SUCLG2: variants seen among roughly 807,000 people sequenced by gnomAD.
SUCLG2 encodes succinate--CoA ligase [GDP-forming] subunit beta, mitochondrial.
SUCLG2 carries 42 observed loss-of-function variants against 47.9 expected under a neutral mutation model. The ratio of observed to expected loss-of-function variants is 0.88; its 90% CI spans 0.69 to 1.14. The LOEUF is 1.14. Ranked by LOEUF, SUCLG2 falls within the 50% of genes most tolerant of loss-of-function variation. The pLI is 0.00. For synonymous variants in SUCLG2, 195 were observed against 197.3 expected, an observed-to-expected ratio of 0.99 and a Z score of 0.10; for missense variants, 571 against 525.9, an observed-to-expected ratio of 1.09 and a Z score of -0.84.
At chr3:67,602,587 G>A (rs1708443481) in intron 2 of SUCLG2, among the ~76,000 whole-genome samples, 1 of 152,058 alleles carries the variant, frequency 6.6e-6, no homozygotes, top group Admixed American at 6.5e-5. Context: ...TTTATAAAAG[G>A]GGGATCTCTT....
intron 2 of SUCLG2, among the ~76,000 whole-genome samples, chr3:67,538,377 G>A (rs1162747327): frequency 6.6e-6 from 1 of 152,172 alleles, no homozygotes; most frequent in Non-Finnish European, 1.5e-5. Flanking sequence ...TCAGATGGTT[G>A]TAGATGTGTG....
chr3:67,419,064 C>T (rs1703097357), intron 9 of SUCLG2, among the ~76,000 whole-genome samples: 1 of 152,082 alleles, frequency 6.6e-6, no homozygotes, highest in Non-Finnish European at 1.5e-5. Context: ...AGGTTGCTTG[C>T]TTCCTGATAT....
chr3:67,499,419 A>C (rs183341030), intron 7 of SUCLG2, among the ~76,000 whole-genome samples: 4 of 152,282 alleles, frequency 2.6e-5, no homozygotes, highest in African/African-American at 9.6e-5. Flanking sequence ...AAGTTATAAG[A>C]CACGAAAAGA....
intron 6 of SUCLG2, among the ~76,000 whole-genome samples, chr3:67,515,916 T>C (rs773747777): frequency 4.6e-5 from 7 of 152,138 alleles, no homozygotes; most frequent in Non-Finnish European, 7.4e-5. Flanking sequence ...ACTTCCAACA[T>C]GTCTACAGCT....
At chr3:67,630,831 G>C (rs1700912253) in intron 1 of SUCLG2, among the ~76,000 whole-genome samples, 1 of 152,182 alleles carries the variant, frequency 6.6e-6, no homozygotes, top group African/African-American at 2.4e-5. Context: ...TTAATCAACT[G>C]TCCTGAACTA....
Position 67,645,036 on chromosome 3 carries a change from C to T in SUCLG2, c.84+9467G>A, listed in dbSNP as rs565498212. ...ACAACACATCTTCAAGAAAGGAACA[C>T]TATGACTCTTGGCTTACCATAAGCG... On this transcript the variant is annotated intron_variant, in intron 1 of 10. Coordinates refer to ENST00000307227, the MANE Select transcript of SUCLG2 (RefSeq NM_003848.4). Among the ~76,000 whole-genome samples the T allele has an allele frequency of 1.4e-3, 214 of 152,240 alleles. 1 individual carries two copies. The highest frequency in any genetic ancestry group is 3.5e-3 in the Admixed American group (53 of 15,296).
intron 9 of SUCLG2, among the ~76,000 whole-genome samples, chr3:67,420,673 A>G (rs1335252923): frequency 1.3e-5 from 2 of 152,194 alleles, no homozygotes; most frequent in East Asian, 3.8e-4. Context: ...AGACACATGT[A>G]GGAGTCCTTT....
chr3:67,361,792 CTTTGGCTAATAGAA>C (rs1701806861), intron 10 of SUCLG2, among the ~76,000 whole-genome samples: 1 of 152,166 alleles, frequency 6.6e-6, no homozygotes, highest in Admixed American at 6.5e-5. Flanking sequence ...ATGTGACTTG[CTTTGGCTAATAGAA>C]TTTTAGTGGT....
intron 9 of SUCLG2, among the ~76,000 whole-genome samples, chr3:67,421,171 TTACCCAAACTCTTATCCAACCTGA>T: frequency 6.6e-6 from 1 of 152,186 alleles, no homozygotes; most frequent in South Asian, 2.1e-4. Context: ...ACCATGCAGC[TTACCCAAACTCTTATCCAACCTGA>T]TACCCCATCT....
intron 2 of SUCLG2, among the ~76,000 whole-genome samples, chr3:67,548,207 T>C (rs1706917643): frequency 6.6e-6 from 1 of 152,236 alleles, no homozygotes; most frequent in South Asian, 2.1e-4. Context: ...TTGAGATTTT[T>C]AAGCCAGAAA....
chr3:67,376,143 T>C lies in SUCLG2; in HGVS notation c.1184-284A>G, dbSNP rs565569491. 7.4e-4 allele frequency: 724 copies of C among 979,134 alleles called. 10 individuals carry two copies. The South Asian group carries it at 0.019, about 26-fold the overall frequency. The allele number at this position is 979,134 out of a possible 1,614,324, so 60.7% of individuals were successfully genotyped here. On this transcript the variant is annotated intron_variant, in intron 10 of 10. Transcript: ENST00000307227. ...CTGCTGATAATCACAGCCATGTGGA[T>C]TTAATGCGGTTTTGGCCCACACCAG... is the stretch of plus-strand genomic sequence containing the variant.
intron 1 of SUCLG2, among the ~76,000 whole-genome samples, chr3:67,613,208 C>T (rs1272712467): frequency 6.6e-6 from 1 of 152,110 alleles, no homozygotes; most frequent in East Asian, 1.9e-4. Flanking sequence ...AGGATGGAAC[C>T]GAAAGTCCCA....
At chr3:67,488,513 T>C (rs181799284) in intron 9 of SUCLG2, among the ~76,000 whole-genome samples, 71 of 152,352 alleles carry the variant, frequency 4.7e-4, no homozygotes, top group African/African-American at 1.7e-3. Flanking sequence ...TGAATGATTT[T>C]CCTAAGTTCA....
At chr3:67,396,865 A>C (rs569181141) in intron 10 of SUCLG2, among the ~76,000 whole-genome samples, 14 of 152,372 alleles carry the variant, frequency 9.2e-5, no homozygotes, top group African/African-American at 2.6e-4. Context: ...AGGCTGGTTC[A>C]ATATACGAAA....
intron 6 of SUCLG2, among the ~76,000 whole-genome samples, chr3:67,517,336 T>C (rs115055219): frequency 1.5e-3 from 223 of 152,306 alleles, no homozygotes; most frequent in African/African-American, 5.1e-3. Flanking sequence ...GAGTGCATCA[T>C]GTACTGTCTT....
rs368221947 is a variant in SUCLG2, at chr3:67,490,035, G to A, written c.1062+5763C>T. 7.9e-5 allele frequency among the ~76,000 whole-genome samples: 12 copies of A among 152,236 alleles called. No homozygotes were observed. The South Asian group carries it at 1.2e-3, about 16-fold the overall frequency. On this transcript the variant is annotated intron_variant, in intron 9 of 10. Coordinates refer to ENST00000307227, the MANE Select transcript of SUCLG2 (RefSeq NM_003848.4). ...CCAGTATTTTCTTTGCTTTACTTTC[G>A]TGTTTGCCCTATAAAAGTCTTCCCT... is the stretch of plus-strand genomic sequence containing the variant.
intron 9 of SUCLG2, among the ~76,000 whole-genome samples, chr3:67,428,868 G>A (rs893643755): frequency 1.3e-5 from 2 of 152,100 alleles, no homozygotes; most frequent in South Asian, 2.1e-4. Context: ...AAGATCAAAT[G>A]AATGAAATGA....
At chr3:67,472,886 G>C (rs1307937063) in intron 9 of SUCLG2, among the ~76,000 whole-genome samples, 2 of 148,416 alleles carry the variant, frequency 1.3e-5, no homozygotes, top group Non-Finnish European at 1.5e-5. Context: ...GATGGTGACA[G>C]CAAAAAGACA....
rs2106814484 is a variant in SUCLG2, at chr3:67,400,830, T to C, written c.1084A>G (p.Ile362Val). 1 of 1,613,170 alleles carries C rather than the reference T, an allele frequency of 6.2e-7. No individual in the cohort carries two copies. Among genetic ancestry groups the C allele is most frequent in the South Asian group, 1.1e-5 (1 of 90,920 alleles). Residue 362 changes from isoleucine to valine, a missense_variant, in exon 10 of 11, where the codon ATA becomes GTA. Coordinates refer to ENST00000307227, the MANE Select transcript of SUCLG2 (RefSeq NM_003848.4). ...GCACAGTTGACGATACCACCAAATA[T>C]ATTGACAAGGATGGCTTCAACCTGA... Reference protein sequence around the residue: ...DPKVEAILVNIFGGIVNCAII... With the variant: ...DPKVEAILVNVFGGIVNCAII...
Sources: allele counts gnomAD v4.1 joint callset (sites outside exome capture counted in the v4.1 genomes callset), GRCh38; gene constraint gnomAD v4.1.1; transcripts MANE v1.5; gene names NCBI Gene and HGNC (gene_info 2026-07-23, HGNC 2026-07-21).